Variants in SCLT1 observed in about 807,000 individuals in gnomAD.
SCLT1 encodes sodium channel and clathrin linker 1, also known as sodium channel-associated protein 1.
In SCLT1, 78 loss-of-function variants were observed where a neutral mutation model predicts 112.8. That is an observed-to-expected ratio of 0.69 (90% CI 0.58 to 0.83). The LOEUF is 0.83. SCLT1 is among the 40% of genes least tolerant of loss of function. SCLT1 has a pLI of 0.00. For synonymous variants in SCLT1, 257 were observed against 254.7 expected, an observed-to-expected ratio of 1.01 and a Z score of -0.09; for missense variants, 747 against 770.4, an observed-to-expected ratio of 0.97 and a Z score of 0.36.
chr4:129,053,933 T>C (rs1749100256), intron 2 of SCLT1, among the ~76,000 whole-genome samples: 1 of 152,126 alleles, frequency 6.6e-6, no homozygotes, highest in Middle Eastern at 3.2e-3. Context: ...TCAGGAGTTC[T>C]TCTAAGGCAG....
chr4:129,090,898 T>C (rs937364821), intron 1 of SCLT1, among the ~76,000 whole-genome samples: 1 of 152,156 alleles, frequency 6.6e-6, no homozygotes, highest in Non-Finnish European at 1.5e-5. Context: ...ATAGTAATTA[T>C]CAGAGGAAAT....
chr4:128,884,243 G>A lies in SCLT1; in HGVS notation c.*234C>T. On this transcript the variant is annotated 3_prime_UTR_variant, in exon 21 of 21. Coordinates refer to ENST00000281142, the MANE Select transcript of SCLT1 (RefSeq NM_144643.4). Reference sequence around the variant, plus strand: ...ACAGACACATTGATGAAGGCAATGAGTTCTTCTCAGCTGGTTTATTCTCCA... The same window carrying A: ...ACAGACACATTGATGAAGGCAATGAATTCTTCTCAGCTGGTTTATTCTCCA... 1 of 363,148 alleles carries A rather than the reference G, an allele frequency of 2.8e-6. No homozygotes were observed. Among genetic ancestry groups the A allele is most frequent in the Non-Finnish European group, 4.9e-6 (1 of 204,324 alleles). The allele number at this position is 363,148 out of a possible 1,614,324, so 22.5% of individuals were successfully genotyped here.
chr4:129,084,262 A>T (rs562100790), intron 1 of SCLT1, among the ~76,000 whole-genome samples: 1 of 152,346 alleles, frequency 6.6e-6, no homozygotes, highest in East Asian at 1.9e-4. Context: ...ATTCATAGTT[A>T]TGAGTGCATA....
intron 8 of SCLT1, among the ~76,000 whole-genome samples, chr4:128,992,776 TA>T (rs748975058): frequency 1.1e-4 from 17 of 151,982 alleles, no homozygotes; most frequent in Non-Finnish European, 1.6e-4. Context: ...TCCCTGGTAT[TA>T]CCTACTAAAT....
chr4:129,011,062 A>G (rs1333229046), intron 5 of SCLT1, among the ~76,000 whole-genome samples: 1 of 152,226 alleles, frequency 6.6e-6, no homozygotes, highest in African/African-American at 2.4e-5. Context: ...AGTTTTTCAT[A>G]GATGACTCTT....
intron 15 of SCLT1, among the ~76,000 whole-genome samples, chr4:128,947,055 G>T (rs1738228204): frequency 1.3e-5 from 2 of 152,188 alleles, no homozygotes; most frequent in African/African-American, 4.8e-5. Flanking sequence ...GGACTGCTTT[G>T]TCACTCTCTA....
chr4:128,881,628 C>T (rs1732641898), downstream of SCLT1, among the ~76,000 whole-genome samples: 1 of 152,166 alleles, frequency 6.6e-6, no homozygotes. Flanking sequence ...AATGAACTAG[C>T]TGTGTTGTCC....
chr4:129,048,841 AAAG>A (rs1208723918), intron 2 of SCLT1, among the ~76,000 whole-genome samples: 12 of 152,308 alleles, frequency 7.9e-5, no homozygotes, highest in African/African-American at 2.9e-4. Context: ...ACACTTCTCA[AAAG>A]AAGACATTTA....
intron 4 of SCLT1, chr4:129,039,944 T>A: frequency 4.4e-6 from 2 of 450,244 alleles, no homozygotes; most frequent in Non-Finnish European, 4.1e-6. Context: ...AACCCTGAAT[T>A]TACATGTAAA....
intron 18 of SCLT1, among the ~76,000 whole-genome samples, chr4:128,896,655 T>C (rs1446458726): frequency 2.0e-5 from 3 of 151,946 alleles, no homozygotes; most frequent in Admixed American, 1.3e-4. Flanking sequence ...TCACCAGCAA[T>C]GGAACAAAGC....
At chr4:129,074,014 C>T (rs1283993226) in intron 2 of SCLT1, among the ~76,000 whole-genome samples, 2 of 152,132 alleles carry the variant, frequency 1.3e-5, no homozygotes, top group Non-Finnish European at 2.9e-5. Flanking sequence ...TCTTCAATGT[C>T]CGTAAGATAT....
chr4:129,063,582 G>A (rs896529993), intron 2 of SCLT1, among the ~76,000 whole-genome samples: 12 of 152,154 alleles, frequency 7.9e-5, no homozygotes, highest in Non-Finnish European at 1.3e-4. Context: ...GGGGAAGGAG[G>A]GCAGTAATGC....
Position 128,908,380 on chromosome 4 carries a change from T to TAAAA in SCLT1, c.1830-17247_1830-17244dup, listed in dbSNP as rs11432450. On this transcript the variant is annotated intron_variant, in intron 18 of 20. Coordinates refer to ENST00000281142, the MANE Select transcript of SCLT1 (RefSeq NM_144643.4). ...TGCAGCTGCCTCTCATCCTGTTAAT[T>TAAAA]AAAAAAAAAAAAAAGAAAGAAAAAA... Among the ~76,000 whole-genome samples the TAAAA allele has an allele frequency of 2.2e-5, 3 of 137,736 alleles. 1 individual carries two copies. The highest frequency in any genetic ancestry group is 8.2e-5 in the African/African-American group (3 of 36,594). The allele number at this position is 137,736 out of a possible 152,430, so 90.4% of individuals were successfully genotyped here.
rs376688248 is a variant in SCLT1, at chr4:128,884,443, A to G, written c.*34T>C. 12 of 1,340,286 alleles carry G rather than the reference A, an allele frequency of 9.0e-6. No homozygotes were observed. The highest frequency in any genetic ancestry group is 9.6e-6 in the Non-Finnish European group (9 of 933,812). 83.0% of individuals were successfully genotyped at this position (1,340,286 alleles called of 1,614,324 possible). ...CACTTCTAGTCCAACTGCTTTCCCA[A>G]CTCTAAAGTTCTGTGAGTGAACTAT... is the stretch of plus-strand genomic sequence containing the variant. On this transcript the variant is annotated 3_prime_UTR_variant, in exon 21 of 21. Transcript: ENST00000281142.
At chr4:129,051,324 C>G (rs1297274944) in intron 2 of SCLT1, among the ~76,000 whole-genome samples, 2 of 152,088 alleles carry the variant, frequency 1.3e-5, no homozygotes, top group African/African-American at 2.4e-5. Flanking sequence ...CACAGCATGG[C>G]CATTTTCACA....
chr4:128,923,638 TG>T (rs1440475880), intron 18 of SCLT1, among the ~76,000 whole-genome samples: 2 of 72,176 alleles, frequency 2.8e-5, no homozygotes, highest in African/African-American at 1.2e-4. Flanking sequence ...CTTCTATATC[TG>T]TTTTTTTTTC....
chr4:128,974,974 A>G (rs1741017086), intron 9 of SCLT1, among the ~76,000 whole-genome samples: 1 of 147,562 alleles, frequency 6.8e-6, no homozygotes, highest in Admixed American at 6.8e-5. Flanking sequence ...TCCACTTTAT[A>G]TTCCTGGGAT....
chr4:128,891,507 T>TA (rs1341153819), intron 18 of SCLT1, among the ~76,000 whole-genome samples: 1 of 152,200 alleles, frequency 6.6e-6, no homozygotes, highest in Non-Finnish European at 1.5e-5. Flanking sequence ...ATACATATTT[T>TA]AAAAGTACAA....
intron 2 of SCLT1, among the ~76,000 whole-genome samples, chr4:129,050,813 T>C (rs1415950046): frequency 2.0e-5 from 3 of 152,232 alleles, no homozygotes; most frequent in Non-Finnish European, 4.4e-5. Context: ...CCCATGCCTA[T>C]GTCCTGAATG....
Sources: gnomAD v4.1 joint callset for allele counts (sites outside exome capture counted in the v4.1 genomes callset) on GRCh38, gnomAD v4.1.1 for gene constraint, MANE v1.5 for transcripts, NCBI Gene and HGNC (gene_info 2026-07-23, HGNC 2026-07-21) for gene names.